The following FAAP100 variants were observed in gnomAD, a reference collection of about 807,000 sequenced individuals.
FAAP100 encodes the protein FA core complex associated protein 100, also known as Fanconi anemia core complex-associated protein 100.
A neutral mutation model predicts 65.8 loss-of-function variants in FAAP100; 46 were observed. The ratio of observed to expected loss-of-function variants is 0.70; its 90% CI spans 0.55 to 0.89. The LOEUF is 0.89. Among genes scored for constraint, FAAP100 ranks in the 40% least tolerant of loss-of-function variants. The pLI is 0.00. For missense variants in FAAP100, 1,165 were observed against 1,196.7 expected (o/e 0.97, Z 0.39); for synonymous variants, 663 against 555.1 (o/e 1.19, Z -2.73).
In FAAP100 at chr17:81,549,384, G is replaced by T; in HGVS notation, c.1247-22C>A. 3 of 1,589,736 alleles carry T rather than the reference G, an allele frequency of 1.9e-6. 1 individual carries two copies. In the South Asian group the frequency reaches 3.3e-5, roughly 18 times the overall value. On this transcript the variant is annotated intron_variant, in intron 3 of 8. Transcript: ENST00000327787. ...CCACCTGGTGACAGACACACATGGG[G>T]CCTGGTCAGCGGCTGGGAGGGGCAA... is the stretch of plus-strand genomic sequence containing the variant.
chr17:81,541,543 A>T (rs1440410479), intron 7 of FAAP100, 148 bp from the exon 8 acceptor site: 1 of 702,258 alleles, frequency 1.4e-6, no homozygotes, highest in Non-Finnish European at 2.5e-6. Context: ...GCTGTTTTCC[A>T]CCTTGCTGTT....
At chr17:81,545,415 G>C (rs1216330092) in intron 6 of FAAP100, among the ~76,000 whole-genome samples, 3 of 152,260 alleles carry the variant, frequency 2.0e-5, no homozygotes, top group African/African-American at 7.2e-5. Flanking sequence ...CAGTGCAGAG[G>C]GTTAGCGGGG....
intron 2 of FAAP100, chr17:81,551,714 C>A: frequency 7.5e-7 from 1 of 1,337,188 alleles, no homozygotes; most frequent in South Asian, 2.0e-5. Context: ...TGGGCTTAAC[C>A]ATGTGAACCC....
chr17:81,547,853 C>T, intron 4 of FAAP100, 175 bp from the exon 5 acceptor site: 1 of 843,076 alleles, frequency 1.2e-6, no homozygotes. Flanking sequence ...CCCGGCCCCA[C>T]CCACACCGAG....
chr17:81,543,845 T>A (rs971539966), intron 7 of FAAP100, among the ~76,000 whole-genome samples, 159 bp downstream of exon 7: 1 of 152,168 alleles, frequency 6.6e-6, no homozygotes, highest in Admixed American at 6.5e-5. Flanking sequence ...ACAGCTCCAC[T>A]GCACAACACC....
rs868637659 is a variant in FAAP100 at position 81,552,000 on chromosome 17, C to T, written c.218G>A (p.Arg73His). The T allele has an allele frequency of 3.2e-6, 5 of 1,565,058 alleles. No individual in the cohort carries two copies. Among genetic ancestry groups the T allele is most frequent in the African/African-American group, 1.4e-5 (1 of 71,886 alleles). The change falls in exon 2 of 9, where the codon CGC (arginine) becomes CAC (histidine). Residue 73 changes from arginine to histidine, a missense_variant. By Grantham distance (29) the Arg-to-His change is conservative. Transcript: ENST00000327787. ...GGCGCACAGCGCGTACAGCAACCTG[C>T]GCGGCGCCAGCAGCTCCAGGTGCCA... ...QVWHLELLAP[R>H]RLLYALCARR...
chr17:81,548,738 C>CA (rs992025613), intron 4 of FAAP100, among the ~76,000 whole-genome samples: 4 of 150,084 alleles, frequency 2.7e-5, no homozygotes, highest in Admixed American at 6.7e-5. Flanking sequence ...AATTCTCTCT[C>CA]AAAAAAAGAG....
intron 7 of FAAP100, among the ~76,000 whole-genome samples, chr17:81,543,599 G>A (rs1185155512): frequency 2.0e-5 from 3 of 152,140 alleles, no homozygotes; most frequent in South Asian, 2.1e-4. Context: ...GCAAAGATGT[G>A]GAGGCTCCTA....
rs140376825 is a variant in FAAP100, at chr17:81,550,857, C to T, written c.637G>A (p.Gly213Arg). Residue 213 changes from glycine to arginine, a missense_variant, in exon 3 of 9, where the codon GGG becomes AGG. Physicochemically the swap from Gly to Arg is moderately radical, Grantham distance 125 (BLOSUM62 -2). Coordinates refer to ENST00000327787, the MANE Select transcript of FAAP100 (RefSeq NM_025161.6). ...SGSRVPHDLL[G>R]GSGGFTLEDA... ...TCCAGCGTGAAGCCCCCGGAGCCCC[C>T]GAGGAGGTCGTGCGGGACCCTGGAG... is the stretch of plus-strand genomic sequence containing the variant. 108 of 1,612,050 alleles carry T rather than the reference C, an allele frequency of 6.7e-5. No individual in the cohort carries two copies. The highest frequency in any genetic ancestry group is 2.5e-4 in the African/African-American group (19 of 75,044).
chr17:81,546,862 A>AC (rs1166060732), intron 5 of FAAP100, 47 bp downstream of exon 5: 5 of 1,350,054 alleles, frequency 3.7e-6, no homozygotes, highest in Non-Finnish European at 4.8e-6. Context: ...TCTTAAAAAA[A>AC]AAAAAAAAAT....
chr17:81,548,190 T>C, intron 4 of FAAP100: 2 of 593,578 alleles, frequency 3.4e-6, no homozygotes, highest in African/African-American at 1.9e-5. Context: ...AGTGGTTATG[T>C]GAGGGGAGCA....
chr17:81,546,719 A>C (rs1450017349), intron 5 of FAAP100, among the ~76,000 whole-genome samples, 190 bp downstream of exon 5: 1 of 152,020 alleles, frequency 6.6e-6, no homozygotes, highest in African/African-American at 2.4e-5. Flanking sequence ...GGGTGGGGTG[A>C]AGTGGCTCAT....
At chr17:81,542,771 G>C (rs958734168) in intron 7 of FAAP100, among the ~76,000 whole-genome samples, 1 of 152,150 alleles carries the variant, frequency 6.6e-6, no homozygotes, top group African/African-American at 2.4e-5. Context: ...ACTGGGGTGG[G>C]TCTGACCCCA....
At chr17:81,541,262 C>A in intron 8 of FAAP100, 47 bp downstream of exon 8, 1 of 1,553,598 alleles carries the variant, frequency 6.4e-7, no homozygotes, top group Non-Finnish European at 8.8e-7. Flanking sequence ...GATGGGCGCT[C>A]CTGGCTACCC....
In FAAP100 at chr17:81,547,027, CT is replaced by C; in HGVS notation, c.2054del (p.Glu685GlyfsTer35). ...CGGGTCCTGCTGGCTGGCTGCCAGG[CT>C]CCCGACAAGTTTCCAGAAAAGTGGC... ...PVATFLETCR[E>X]PGSQPAGPAS... On this transcript the variant is annotated frameshift_variant, in exon 5 of 9. Transcript: ENST00000327787. LOFTEE classifies it high-confidence loss of function. The C allele has an allele frequency of 6.5e-7, 1 of 1,549,174 alleles. No individual in the cohort carries two copies. Among genetic ancestry groups the C allele is most frequent in the Non-Finnish European group, 8.7e-7 (1 of 1,148,094 alleles).
At chr17:81,548,144 G>GA in intron 4 of FAAP100, 1 of 599,482 alleles carries the variant, frequency 1.7e-6, no homozygotes, top group Non-Finnish European at 3.0e-6. Context: ...AAACCACAGG[G>GA]ACCCGGAGTG....
At chr17:81,548,392 A>G (rs1431900218) in intron 4 of FAAP100, 2 of 220,030 alleles carry the variant, frequency 9.1e-6, no homozygotes, top group Admixed American at 1.0e-4. Flanking sequence ...AGAGGTAGCC[A>G]GGTAGCCTGT....
intron 5 of FAAP100, 45 bp downstream of exon 5, chr17:81,546,864 A>AG: frequency 1.5e-6 from 2 of 1,347,654 alleles, no homozygotes; most frequent in Non-Finnish European, 1.9e-6. Context: ...TTAAAAAAAA[A>AG]AAAAAAATCC....
rs2033067347 is a variant in FAAP100, at chr17:81,540,895, G to A, written c.2570C>T (p.Ala857Val). The change falls in exon 9 of 9, where the codon GCC (alanine) becomes GTC (valine). Residue 857 changes from alanine to valine, a missense_variant. Ala to Val is a moderately conservative substitution (Grantham distance 64). Coordinates refer to ENST00000327787, the MANE Select transcript of FAAP100 (RefSeq NM_025161.6). The part of the protein sequence containing the change: ...LRDRLCTEDE[A>V]SSCATAQRLL... ...CCTCTGGGCGGTGGCACAGGAGCTG[G>A]CCTCATCCTCCGTGCAGAGCCGGTC... The A allele has an allele frequency of 1.3e-6, 2 of 1,587,134 alleles. No individual in the cohort carries two copies. Among genetic ancestry groups the A allele is most frequent in the Non-Finnish European group, 1.7e-6 (2 of 1,171,010 alleles).
Sources: allele counts gnomAD v4.1 joint callset (sites outside exome capture counted in the v4.1 genomes callset), GRCh38; gene constraint gnomAD v4.1.1; transcripts MANE v1.5; gene names NCBI Gene and HGNC (gene_info 2026-07-23, HGNC 2026-07-21).